The following CDK14 variants were observed in gnomAD, a reference collection of about 807,000 sequenced individuals.
CDK14 encodes cyclin dependent kinase 14.
A neutral mutation model predicts 60.7 loss-of-function variants in CDK14; 34 were observed. The observed-to-expected ratio is 0.56, with a 90% CI of 0.43 to 0.75. CDK14 has a LOEUF of 0.75. Among genes scored for constraint, CDK14 ranks in the 30% least tolerant of loss-of-function variants. The pLI, the probability that CDK14 is intolerant of heterozygous loss-of-function variation, is 0.00. For synonymous variants in CDK14, 197 were observed against 203.7 expected, an observed-to-expected ratio of 0.97 and a Z score of 0.28; for missense variants, 482 against 564.1, an observed-to-expected ratio of 0.85 and a Z score of 1.47.
At chr7:90,877,352 A>G (rs184848711) in intron 6 of CDK14, among the ~76,000 whole-genome samples, 18 of 152,194 alleles carry the variant, frequency 1.2e-4, no homozygotes, top group Non-Finnish European at 2.4e-4. Flanking sequence ...TCTCACTGGT[A>G]TATTCAAGCC....
intron 6 of CDK14, among the ~76,000 whole-genome samples, chr7:90,874,972 A>G (rs1448451843): frequency 6.6e-6 from 1 of 152,112 alleles, no homozygotes; most frequent in Non-Finnish European, 1.5e-5. Context: ...TAATTTTACA[A>G]TTCATTACCC....
chr7:90,689,741 A>G (rs1011400630), intron 2 of CDK14, among the ~76,000 whole-genome samples: 10 of 152,212 alleles, frequency 6.6e-5, no homozygotes, highest in African/African-American at 1.4e-4. Context: ...ATATCTTTCC[A>G]TAATTCCAGG....
Position 90,769,473 on chromosome 7 carries a change from TC to T in CDK14, c.465-21099del, listed in dbSNP as rs773555465. Among the ~76,000 whole-genome samples, 183 of 148,122 alleles carry T rather than the reference TC, an allele frequency of 1.2e-3. 11 individuals are homozygous for T. Among genetic ancestry groups the T allele is most frequent in the Non-Finnish European group, 1.1e-3 (72 of 66,638 alleles). On this transcript the variant is annotated intron_variant, in intron 4 of 14. Coordinates refer to ENST00000380050, the MANE Select transcript of CDK14 (RefSeq NM_001287135.2). The stretch of plus-strand genomic sequence containing the variant: ...TTCTGTGATTTCTTTCTCTTTTCTT[TC>T]TTTTTTTTTTTGACTGAGCCCTCAT...
chr7:90,959,845 T>G (rs1794548676), intron 9 of CDK14, among the ~76,000 whole-genome samples: 1 of 152,178 alleles, frequency 6.6e-6, no homozygotes, highest in Admixed American at 6.5e-5. Flanking sequence ...TTTTTGATAC[T>G]TTTATGAAAA....
At chr7:90,951,075 T>C (rs1794245278) in intron 8 of CDK14, among the ~76,000 whole-genome samples, 1 of 152,172 alleles carries the variant, frequency 6.6e-6, no homozygotes, top group East Asian at 1.9e-4. Flanking sequence ...GGAATGGGAA[T>C]GAAATCCAAA....
At chr7:90,790,410 A>T (rs1443946598) in intron 4 of CDK14, among the ~76,000 whole-genome samples, 163 bp from the exon 5 acceptor site, 1 of 152,206 alleles carries the variant, frequency 6.6e-6, no homozygotes, top group Non-Finnish European at 1.5e-5. Context: ...TATGATGATG[A>T]TACAGAATTC....
chr7:90,926,258 G>A (rs1055363697), intron 8 of CDK14, among the ~76,000 whole-genome samples: 2 of 152,248 alleles, frequency 1.3e-5, no homozygotes, highest in South Asian at 4.1e-4. Context: ...CTGGGATCCT[G>A]TCAGGAAGAT....
At chr7:90,721,161 A>G (rs1802437464) in intron 2 of CDK14, among the ~76,000 whole-genome samples, 1 of 152,034 alleles carries the variant, frequency 6.6e-6, no homozygotes, top group Non-Finnish European at 1.5e-5. Context: ...TGCCATTGGA[A>G]CATGCTGTGT....
intron 2 of CDK14, among the ~76,000 whole-genome samples, chr7:90,612,185 A>G (rs1799553878): frequency 6.6e-6 from 1 of 152,150 alleles, no homozygotes; most frequent in East Asian, 1.9e-4. Context: ...AGCTGCTGCC[A>G]TCTCAGTTCA....
intron 8 of CDK14, among the ~76,000 whole-genome samples, chr7:90,941,296 A>C (rs1400545603): frequency 6.6e-6 from 1 of 152,130 alleles, no homozygotes; most frequent in Non-Finnish European, 1.5e-5. Context: ...GGACCTCCTC[A>C]CCATACCTGT....
In CDK14 at chr7:91,195,733, T is replaced by G. The variant is rs146514244; in HGVS notation, c.*29-11432T>G. Among the ~76,000 whole-genome samples, 123 of 152,304 alleles carry G rather than the reference T, an allele frequency of 8.1e-4. 2 individuals are homozygous for G. In the East Asian group the frequency reaches 0.02, roughly 25 times the overall value. On this transcript the variant is annotated intron_variant, in intron 14 of 14. Coordinates refer to ENST00000380050, the MANE Select transcript of CDK14 (RefSeq NM_001287135.2). ...TACCCACAGACTTTACAGTGGCAGCTCAAGACTTCATGTATATGAAAACTG... is the reference window on the plus strand; with the variant it reads ...TACCCACAGACTTTACAGTGGCAGCGCAAGACTTCATGTATATGAAAACTG...
At chr7:90,666,129 G>C (rs888435013) in intron 2 of CDK14, among the ~76,000 whole-genome samples, 1 of 152,120 alleles carries the variant, frequency 6.6e-6, no homozygotes, top group Non-Finnish European at 1.5e-5. Flanking sequence ...GTTACTCTTG[G>C]TTTCCAAGTG....
intron 14 of CDK14, among the ~76,000 whole-genome samples, chr7:91,150,355 T>C (rs1800796710): frequency 2.0e-5 from 3 of 152,234 alleles, no homozygotes; most frequent in Admixed American, 2.0e-4. Flanking sequence ...TAATTATCTA[T>C]TTAGTGAAAG....
At chr7:90,610,675 A>G (rs1417268473) in intron 2 of CDK14, among the ~76,000 whole-genome samples, 1 of 152,148 alleles carries the variant, frequency 6.6e-6, no homozygotes, top group African/African-American at 2.4e-5. Flanking sequence ...TTAGCTCTAG[A>G]TGACTACCTT....
At position 91,045,883 on chromosome 7, in the gene CDK14, C is replaced by G; in HGVS notation, c.1042-14C>G. 6.3e-7 allele frequency: 1 copy of G among 1,584,604 alleles called. No individual in the cohort carries two copies. The highest frequency in any genetic ancestry group is 8.7e-7 in the Non-Finnish European group (1 of 1,153,492). On this transcript the variant is annotated splice_polypyrimidine_tract_variant and intron_variant, in intron 10 of 14. Coordinates refer to ENST00000380050, the MANE Select transcript of CDK14 (RefSeq NM_001287135.2). Reference sequence around the variant, plus strand: ...ATAATAAGGCTGTTTCCACAATCTCCTACTCTCCACTAGGTTCTTGGAACA... The same window carrying G: ...ATAATAAGGCTGTTTCCACAATCTCGTACTCTCCACTAGGTTCTTGGAACA...
chr7:90,984,277 G>A (rs769657425), intron 10 of CDK14, 36 bp downstream of exon 10: 69 of 1,381,936 alleles, frequency 5.0e-5, no homozygotes, highest in Admixed American at 1.7e-5. Context: ...AGAAAAATTG[G>A]TTTCTAATTA....
intron 11 of CDK14, among the ~76,000 whole-genome samples, chr7:91,062,243 T>C (rs1028278376): frequency 6.6e-6 from 1 of 152,150 alleles, no homozygotes; most frequent in African/African-American, 2.4e-5. Flanking sequence ...GCTAAGACCA[T>C]TGGAAAAGCG....
chr7:91,132,882 A>T (rs1800160089), intron 14 of CDK14, among the ~76,000 whole-genome samples: 1 of 152,180 alleles, frequency 6.6e-6, no homozygotes, highest in Non-Finnish European at 1.5e-5. Context: ...TTACAGACAT[A>T]GTTTCTTGAT....
Position 90,903,445 on chromosome 7 carries a change from A to G in CDK14, c.702+4092A>G, listed in dbSNP as rs564138361. On this transcript the variant is annotated intron_variant, in intron 7 of 14. Transcript: ENST00000380050. Reference sequence around the variant, plus strand: ...GATGGAACTGAAGGTTATTATGTTAAGTGAAATAAGCCCCTCACAGAAAGA... The same window carrying G: ...GATGGAACTGAAGGTTATTATGTTAGGTGAAATAAGCCCCTCACAGAAAGA... Among the ~76,000 whole-genome samples, 4 of 152,318 alleles carry G rather than the reference A, an allele frequency of 2.6e-5. 1 individual carries two copies. Among genetic ancestry groups the G allele is most frequent in the African/African-American group, 7.2e-5 (3 of 41,578 alleles).
Sources: gnomAD v4.1 joint callset for allele counts (sites outside exome capture counted in the v4.1 genomes callset) on GRCh38, gnomAD v4.1.1 for gene constraint, MANE v1.5 for transcripts, NCBI Gene and HGNC (gene_info 2026-07-23, HGNC 2026-07-21) for gene names.